TGM5: variants seen among roughly 807,000 people sequenced by gnomAD.
TGM5 encodes transglutaminase 5.
In TGM5, 69 loss-of-function variants were observed where a neutral mutation model predicts 77.2. The observed-to-expected ratio is 0.89, with a 90% CI of 0.74 to 1.09. TGM5 has a LOEUF of 1.09. TGM5 is among the 50% of genes least tolerant of loss of function. The pLI is 0.00. For missense variants in TGM5, 842 were observed against 896.5 expected (o/e 0.94, Z 0.78); for synonymous variants, 346 against 351.8 (o/e 0.98, Z 0.18).
chr15:43,241,175 G>T, intron 6 of TGM5, 185 bp from the exon 7 acceptor site: 1 of 765,304 alleles, frequency 1.3e-6, no homozygotes, highest in Non-Finnish European at 2.2e-6. Flanking sequence ...GCTCATGGGA[G>T]AGATTCTAGG....
intron 6 of TGM5, among the ~76,000 whole-genome samples, chr15:43,243,546 G>C (rs1042332058): frequency 1.2e-4 from 18 of 152,172 alleles, no homozygotes; most frequent in South Asian, 2.1e-4. Context: ...TCTTACATAG[G>C]GGGTGAAGCC....
chr15:43,251,227 C>T (rs746764769), intron 6 of TGM5, among the ~76,000 whole-genome samples: 7 of 152,058 alleles, frequency 4.6e-5, no homozygotes, highest in East Asian at 1.9e-4. Context: ...ACTCATCCAA[C>T]TCAACTCATC....
At chr15:43,242,587 C>T (rs1463833296) in intron 6 of TGM5, among the ~76,000 whole-genome samples, 1 of 152,192 alleles carries the variant, frequency 6.6e-6, no homozygotes, top group East Asian at 1.9e-4. Context: ...TAATTGTGTA[C>T]AGATTTTAGC....
chr15:43,250,818 G>A (rs75288334), intron 6 of TGM5, among the ~76,000 whole-genome samples: 3 of 152,186 alleles, frequency 2.0e-5, no homozygotes, highest in African/African-American at 7.2e-5. Flanking sequence ...GGGAAGGTTA[G>A]TGCTGATTGA....
intron 5 of TGM5, 73 bp downstream of exon 5, chr15:43,253,433 A>C: frequency 6.3e-7 from 1 of 1,595,660 alleles, no homozygotes; most frequent in South Asian, 1.1e-5. Flanking sequence ...CACCCACTGC[A>C]GGGGGCAACT....
Position 43,235,461 on chromosome 15 carries a change from A to C in TGM5, c.1714+8T>G. Reference sequence around the variant, plus strand: ...AACTCTGCGTACACAAACTGTGCACATGCGTACCTTCTTTAGGAGAGAGTG... The same window carrying C: ...AACTCTGCGTACACAAACTGTGCACCTGCGTACCTTCTTTAGGAGAGAGTG... On this transcript the variant is annotated splice_region_variant and intron_variant, in intron 10 of 12. Coordinates refer to ENST00000220420, the MANE Select transcript of TGM5 (RefSeq NM_201631.4). 6.2e-7 allele frequency: 1 copy of C among 1,614,158 alleles called. No individual in the cohort carries two copies. Among genetic ancestry groups the C allele is most frequent in the Non-Finnish European group, 8.5e-7 (1 of 1,180,022 alleles).
Position 43,240,977 on chromosome 15 carries a change from C to T in TGM5, c.876G>A (p.Leu292=). The T allele has an allele frequency of 6.2e-7, 1 of 1,614,168 alleles. No homozygotes were observed. Among genetic ancestry groups the T allele is most frequent in the Non-Finnish European group, 8.5e-7 (1 of 1,180,032 alleles). ...TGGTGATCACACGGGTAGGGATCCC[C>T]AGACACCTCATCACTGCAAAAAGGG... ...AAVMCTVMRC[L]GIPTRVITNF... The change falls in exon 7 of 13, where the codon CTG becomes CTA. Residue 292 remains leucine, a synonymous_variant. Coordinates refer to ENST00000220420, the MANE Select transcript of TGM5 (RefSeq NM_201631.4).
intron 4 of TGM5, 119 bp downstream of exon 4, chr15:43,256,438 ACAACACACATC>A: frequency 2.5e-6 from 2 of 806,976 alleles, no homozygotes; most frequent in Non-Finnish European, 4.4e-6. Flanking sequence ...ACCTGGGCTC[ACAACACACATC>A]TTCCTCGTGC....
rs1327680401 is a variant in TGM5 at position 43,261,063 on chromosome 15, TTTTTGTGTGTGTG to T, written c.11-497_11-485del. ...CTCCTTGGGCTAGCTGCTCTTCCTT[TTTTTGTGTGTGTG>T]TTTTTTTTTTTTTTTTTTTTTTTTT... On this transcript the variant is annotated intron_variant, in intron 1 of 12. Coordinates refer to ENST00000220420, the MANE Select transcript of TGM5 (RefSeq NM_201631.4). Among the ~76,000 whole-genome samples, 21 of 48,690 alleles carry T rather than the reference TTTTTGTGTGTGTG, an allele frequency of 4.3e-4. 2 individuals are homozygous for T. Among genetic ancestry groups the T allele is most frequent in the African/African-American group, 1.9e-3 (18 of 9,652 alleles). The allele number at this position is 48,690 out of a possible 152,430, so 31.9% of individuals were successfully genotyped here.
chr15:43,235,882 C>A, intron 9 of TGM5, 45 bp from the exon 10 acceptor site: 1 of 1,609,774 alleles, frequency 6.2e-7, no homozygotes, highest in South Asian at 1.1e-5. Flanking sequence ...CCAGGCTGAC[C>A]GGGGTAGACT....
At position 43,233,107 on chromosome 15, in the gene TGM5, G is replaced by A; in HGVS notation, c.*84C>T. 1 of 1,545,278 alleles carries A rather than the reference G, an allele frequency of 6.5e-7. No individual in the cohort carries two copies. Among genetic ancestry groups the A allele is most frequent in the Non-Finnish European group, 8.9e-7 (1 of 1,129,692 alleles). ...TGGAGCCCTGTGAAGCCTCTGTTGT[G>A]GTGGGGAATGGCGCAGCTTGCATTT... On this transcript the variant is annotated 3_prime_UTR_variant, in exon 13 of 13. Coordinates refer to ENST00000220420, the MANE Select transcript of TGM5 (RefSeq NM_201631.4).
Position 43,235,854 on chromosome 15 carries a change from C to A in TGM5, c.1346-17G>T. The A allele has an allele frequency of 6.2e-7, 1 of 1,613,016 alleles. No individual in the cohort carries two copies. The highest frequency in any genetic ancestry group is 8.5e-7 in the Non-Finnish European group (1 of 1,179,982). On this transcript the variant is annotated splice_polypyrimidine_tract_variant and intron_variant, in intron 9 of 12. Coordinates refer to ENST00000220420, the MANE Select transcript of TGM5 (RefSeq NM_201631.4). ...GGAGGGATCCTGAAGTTGGGGAGAG[C>A]ACAGCACCAGCTGTGAGCCAGGCTG...
Position 43,238,858 on chromosome 15 carries a change from T to A in TGM5, c.1304A>T (p.Asp435Val). 1 of 1,614,190 alleles carries A rather than the reference T, an allele frequency of 6.2e-7. No homozygotes were observed. The highest frequency in any genetic ancestry group is 8.5e-7 in the Non-Finnish European group (1 of 1,179,996). Reference sequence around the variant, plus strand: ...GTTCTCTGTGATGTCATCCCGCTCGTCACTCTGGATGCTCTTTGTGCTGAT... The same window carrying A: ...GTTCTCTGTGATGTCATCCCGCTCGACACTCTGGATGCTCTTTGTGCTGAT... ...NFISTKSIQS[D>V]ERDDITENYK... is the part of the protein sequence containing the mutation. The change falls in exon 9 of 13, where the codon GAC (aspartate) becomes GTC (valine). Residue 435 changes from aspartate (D) to valine (V), a missense_variant. This residue lies in a region of TGM5 where 815 missense variants were observed against 844.6 expected (regional missense o/e 0.96). Coordinates refer to ENST00000220420, the MANE Select transcript of TGM5 (RefSeq NM_201631.4).
In TGM5 at chr15:43,254,209, G is replaced by A. The variant is rs567161654; in HGVS notation, c.556-575C>T. 6.6e-5 allele frequency among the ~76,000 whole-genome samples: 10 copies of A among 152,266 alleles called. No individual in the cohort carries two copies. In the East Asian group the frequency reaches 9.6e-4, roughly 15 times the overall value. Reference sequence around the variant, plus strand: ...TGCCACTCCCTCTGAGGCCTTCCCCGAGCCTGAGCCTGCTTTAGCGCCACA... The same window carrying A: ...TGCCACTCCCTCTGAGGCCTTCCCCAAGCCTGAGCCTGCTTTAGCGCCACA... On this transcript the variant is annotated intron_variant, in intron 4 of 12. Coordinates refer to ENST00000220420, the MANE Select transcript of TGM5 (RefSeq NM_201631.4).
At chr15:43,238,428 A>G (rs773019743) in intron 9 of TGM5, among the ~76,000 whole-genome samples, 28 of 152,228 alleles carry the variant, frequency 1.8e-4, no homozygotes, top group Non-Finnish European at 3.7e-4. Flanking sequence ...GGCTCACTTC[A>G]GCCTGTCCTC....
chr15:43,250,676 C>A (rs2042697661), intron 6 of TGM5, among the ~76,000 whole-genome samples: 2 of 152,314 alleles, frequency 1.3e-5, no homozygotes, highest in South Asian at 4.1e-4. Context: ...GGGTCTTACC[C>A]ATCTTGTATC....
intron 4 of TGM5, 132 bp from the exon 5 acceptor site, chr15:43,253,766 C>A: frequency 8.0e-7 from 1 of 1,254,662 alleles, no homozygotes; most frequent in Non-Finnish European, 1.1e-6. Context: ...ACAGAACAGC[C>A]ATGAATTCCC....
At chr15:43,261,074 GTGTTTTTTTTTTTT>G (rs1195641432) in intron 1 of TGM5, among the ~76,000 whole-genome samples, 10 of 73,878 alleles carry the variant, frequency 1.4e-4, no homozygotes, top group East Asian at 5.4e-4. Flanking sequence ...TTTTGTGTGT[GTGTTTTTTTTTTTT>G]TTTTTTTTTT....
intron 1 of TGM5, among the ~76,000 whole-genome samples, chr15:43,262,838 G>A (rs2042799622): frequency 6.6e-6 from 1 of 152,202 alleles, no homozygotes; most frequent in Non-Finnish European, 1.5e-5. Context: ...AATGTCTCCT[G>A]TTGTCACATC....
Sources: gnomAD v4.1 joint callset for allele counts (sites outside exome capture counted in the v4.1 genomes callset) on GRCh38, gnomAD v4.1.1 for gene constraint, gnomAD v4.1.1 regional missense constraint, MANE v1.5 for transcripts, NCBI Gene and HGNC (gene_info 2026-07-23, HGNC 2026-07-21) for gene names.